Variants in RDH16 observed in about 807,000 individuals in gnomAD.
RDH16 encodes the protein retinol dehydrogenase 16, also known as human epidermal retinol dehydrogenase.
RDH16 carries 25 observed loss-of-function variants against 22.3 expected under a neutral mutation model. That is an observed-to-expected ratio of 1.12 (90% CI 0.82 to 1.56). The LOEUF (loss-of-function observed/expected upper bound fraction) is 1.56, where lower values mean the gene tolerates loss of function less well. Ranked by LOEUF, RDH16 falls within the 40% of genes most tolerant of loss-of-function variation. The pLI is 0.00. For synonymous variants in RDH16, 154 were observed against 164.4 expected, an observed-to-expected ratio of 0.94 and a Z score of 0.48; for missense variants, 413 against 394.9, an observed-to-expected ratio of 1.05 and a Z score of -0.39.
rs1195180113 is a variant in RDH16, at chr12:56,955,115, G to A, written c.363C>T (p.Pro121=). Residue 121 remains proline, a synonymous_variant, in exon 2 of 4, where the codon CCC becomes CCT. Transcript: ENST00000398138. Reference sequence around the variant, plus strand: ...AGTCCTGCTTGGTGAGCAACTCATTGGGAGCCGTGGGCAAGGAGATGCCAG... The same window carrying A: ...AGTCCTGCTTGGTGAGCAACTCATTAGGAGCCGTGGGCAAGGAGATGCCAG... The part of the protein sequence containing the change: ...NNAGISLPTA[P]NELLTKQDFV... The A allele has an allele frequency of 6.2e-7, 1 of 1,614,020 alleles. No homozygotes were observed. The highest frequency in any genetic ancestry group is 1.3e-5 in the African/African-American group (1 of 74,918).
intron 2 of RDH16, among the ~76,000 whole-genome samples, chr12:56,954,522 G>A (rs971333862): frequency 6.6e-6 from 1 of 152,174 alleles, no homozygotes; most frequent in African/African-American, 2.4e-5. Flanking sequence ...CCTTCCCTGG[G>A]ATTAGTCATT....
At chr12:56,954,075 C>G (rs1336629889) in intron 2 of RDH16, among the ~76,000 whole-genome samples, 1 of 152,158 alleles carries the variant, frequency 6.6e-6, no homozygotes. Flanking sequence ...TCTTTGGGCC[C>G]CAGAGAGCCA....
rs1955880442 is a variant in RDH16 at position 56,951,726 on chromosome 12, A to G, written c.*303T>C. On this transcript the variant is annotated 3_prime_UTR_variant, in exon 4 of 4. Coordinates refer to ENST00000398138, the MANE Select transcript of RDH16 (RefSeq NM_003708.5). ...CCTTCCACCTGCTCACACCCACCCC[A>G]GTTGTTAGCCCAAGGATGGCCCTAG... The G allele has an allele frequency of 4.9e-6, 2 of 409,522 alleles. No individual in the cohort carries two copies. The highest frequency in any genetic ancestry group is 4.5e-5 in the East Asian group (1 of 22,260). The allele number at this position is 409,522 out of a possible 1,614,324, so 25.4% of individuals were successfully genotyped here. A position where few individuals can be genotyped will look rare whatever the true frequency, so the allele number is the denominator to read the frequency against.
intron 2 of RDH16, among the ~76,000 whole-genome samples, chr12:56,953,982 T>A (rs1411394715): frequency 6.6e-6 from 1 of 152,170 alleles, no homozygotes; most frequent in Non-Finnish European, 1.5e-5. Context: ...AAAGTGTCTG[T>A]TGTGTGGACT....
Position 56,952,490 on chromosome 12 carries a change from C to T in RDH16, c.737-244G>A, listed in dbSNP as rs947861667. On this transcript the variant is annotated intron_variant, in intron 3 of 3. Transcript: ENST00000398138. ...ATATCTGGACTGCATAAATGATGGTCTCCACCCACAGTAGAAGTCTCAGCA... is the reference window on the plus strand; with the variant it reads ...ATATCTGGACTGCATAAATGATGGTTTCCACCCACAGTAGAAGTCTCAGCA... Among the ~76,000 whole-genome samples the T allele has an allele frequency of 7.2e-5, 11 of 152,176 alleles. No individual in the cohort carries two copies. In the East Asian group the frequency reaches 1.9e-3, roughly 27 times the overall value.
At position 56,951,946 on chromosome 12, in the gene RDH16, C is replaced by T. The variant is rs766949902; in HGVS notation, c.*83G>A. The T allele has an allele frequency of 7.9e-6, 10 of 1,260,034 alleles. No homozygotes were observed. Among genetic ancestry groups the T allele is most frequent in the Non-Finnish European group, 1.1e-5 (10 of 878,998 alleles). The allele number at this position is 1,260,034 out of a possible 1,614,324, so 78.1% of individuals were successfully genotyped here. A position where few individuals can be genotyped will look rare whatever the true frequency, so the allele number is the denominator to read the frequency against. On this transcript the variant is annotated 3_prime_UTR_variant, in exon 4 of 4. Coordinates refer to ENST00000398138, the MANE Select transcript of RDH16 (RefSeq NM_003708.5). Reference sequence around the variant, plus strand: ...GCCCTACTGACCGGACGGCTCCCTCCCTCCACTTTATATCTCTCCCAAGGA... The same window carrying T: ...GCCCTACTGACCGGACGGCTCCCTCTCTCCACTTTATATCTCTCCCAAGGA...
chr12:56,955,136 G>A lies in RDH16; in HGVS notation c.342C>T (p.Gly114=). Residue 114 remains glycine, a synonymous_variant, in exon 2 of 4, where the codon GGC becomes GGT. Transcript: ENST00000398138. Reference sequence around the variant, plus strand: ...CATTGGGAGCCGTGGGCAAGGAGATGCCAGCATTATTCACCAGGCCCCAGA... The same window carrying A: ...CATTGGGAGCCGTGGGCAAGGAGATACCAGCATTATTCACCAGGCCCCAGA... ...KGLWGLVNNA[G]ISLPTAPNEL... 1 of 1,614,102 alleles carries A rather than the reference G, an allele frequency of 6.2e-7. No homozygotes were observed. The highest frequency in any genetic ancestry group is 8.5e-7 in the Non-Finnish European group (1 of 1,180,020).
In RDH16 at chr12:56,951,750, A is replaced by G; in HGVS notation, c.*279T>C. The G allele has an allele frequency of 4.3e-6, 2 of 468,636 alleles. No individual in the cohort carries two copies. Among genetic ancestry groups the G allele is most frequent in the South Asian group, 4.9e-5 (2 of 40,568 alleles). 29.0% of individuals were successfully genotyped at this position (468,636 alleles called of 1,614,324 possible). A position where few individuals can be genotyped will look rare whatever the true frequency, so the allele number is the denominator to read the frequency against. On this transcript the variant is annotated 3_prime_UTR_variant, in exon 4 of 4. Transcript: ENST00000398138. The stretch of plus-strand genomic sequence containing the variant: ...CAGTTGTTAGCCCAAGGATGGCCCT[A>G]GAGGCTTGGACCCTTGAGTGGCCAC...
chr12:56,954,185 T>G (rs1955906434), intron 2 of RDH16, among the ~76,000 whole-genome samples: 1 of 152,230 alleles, frequency 6.6e-6, no homozygotes, highest in Non-Finnish European at 1.5e-5. Context: ...CTTTCCCTGT[T>G]TCTGACTCAG....
intron 3 of RDH16, among the ~76,000 whole-genome samples, chr12:56,952,579 T>G (rs1305487064): frequency 3.3e-5 from 5 of 152,188 alleles, no homozygotes; most frequent in Non-Finnish European, 1.5e-5. Context: ...CCTTTCTGGC[T>G]TCCCTTTGTT....
chr12:56,954,842 G>A, intron 2 of RDH16, 64 bp downstream of exon 2: 2 of 1,576,772 alleles, frequency 1.3e-6, no homozygotes, highest in Non-Finnish European at 1.7e-6. Flanking sequence ...GAACTCCCTG[G>A]AAAAGACTTC....
intron 1 of RDH16, 62 bp downstream of exon 1, chr12:56,957,088 A>G: frequency 6.7e-7 from 1 of 1,484,052 alleles, no homozygotes; most frequent in Non-Finnish European, 9.2e-7. Flanking sequence ...GGGAGCAGAC[A>G]GGAGGTGGTC....
Position 56,952,224 on chromosome 12 carries a change from C to T in RDH16, c.759G>A (p.Met253Ile). 1 of 1,614,078 alleles carries T rather than the reference C, an allele frequency of 6.2e-7. No homozygotes were observed. Among genetic ancestry groups the T allele is most frequent in the Non-Finnish European group, 8.5e-7 (1 of 1,179,988 alleles). ...ACAGATCCTGTGTGCACTTCTGCTC[C>T]ATTTGTTCAGCTGATTTCTTATCTG... ...VADYKKSAEQMEQKCTQDLSL... is the reference protein window; with the variant it reads ...VADYKKSAEQIEQKCTQDLSL... The change falls in exon 4 of 4, where the codon ATG becomes ATA. Residue 253 changes from methionine to isoleucine, a missense_variant. Transcript: ENST00000398138.
At position 56,957,128 on chromosome 12, in the gene RDH16, C is replaced by A. The variant is rs764645730; in HGVS notation, c.313+22G>T. On this transcript the variant is annotated intron_variant, in intron 1 of 3. Coordinates refer to ENST00000398138, the MANE Select transcript of RDH16 (RefSeq NM_003708.5). ...CACACAGAGGGAAGACACAGACAGA[C>A]TTGACAAACCTGGGTGGTTACCTTT... 1.9e-6 allele frequency: 3 copies of A among 1,586,828 alleles called. No homozygotes were observed. In the Admixed American group the frequency reaches 5.1e-5, roughly 27 times the overall value.
intron 2 of RDH16, 132 bp downstream of exon 2, chr12:56,954,774 G>A (rs1955911328): frequency 7.3e-6 from 7 of 954,740 alleles, no homozygotes; most frequent in Non-Finnish European, 1.1e-5. Flanking sequence ...AGATGAGGGT[G>A]TCACACATGA....
rs748134177 is a variant in RDH16, at chr12:56,952,245, ATCTGT to A, written c.737-4_737del. ...GCTCCATTTGTTCAGCTGATTTCTT[ATCTGT>A]TAAGAATCAGAAACAATCCATGTAT... On this transcript the variant is annotated splice_acceptor_variant and splice_polypyrimidine_tract_variant and coding_sequence_variant and intron_variant, in exon 4 of 4. Coordinates refer to ENST00000398138, the MANE Select transcript of RDH16 (RefSeq NM_003708.5). LOFTEE classifies it high-confidence loss of function. The A allele has an allele frequency of 5.6e-6, 9 of 1,613,678 alleles. No homozygotes were observed. The South Asian group carries it at 8.8e-5, about 16-fold the overall frequency.
Position 56,957,251 on chromosome 12 carries a change from C to T in RDH16, c.212G>A (p.Gly71Asp), listed in dbSNP as rs1297301330. The change falls in exon 1 of 4, where the codon GGC (glycine) becomes GAC (aspartate). Residue 71 changes from glycine to aspartate, a missense_variant. Transcript: ENST00000398138. ...LTEKGAEQLR[G>D]QTSDRLETVT... ...CGTCTCCAGCCTGTCTGAAGTCTGGCCCCTCAGCTGCTCGGCTCCTTTCTC... is the reference window on the plus strand; with the variant it reads ...CGTCTCCAGCCTGTCTGAAGTCTGGTCCCTCAGCTGCTCGGCTCCTTTCTC... 1 of 1,614,062 alleles carries T rather than the reference C, an allele frequency of 6.2e-7. No individual in the cohort carries two copies. Among genetic ancestry groups the T allele is most frequent in the African/African-American group, 1.3e-5 (1 of 74,910 alleles).
intron 2 of RDH16, 116 bp from the exon 3 acceptor site, chr12:56,953,106 G>GACTTCGGGGGT: frequency 2.1e-6 from 2 of 933,358 alleles, no homozygotes; most frequent in Non-Finnish European, 3.2e-6. Flanking sequence ...AAAATAGAAA[G>GACTTCGGGGGT]CTTGGAATAT....
At chr12:56,953,428 C>A (rs1955901106) in intron 2 of RDH16, among the ~76,000 whole-genome samples, 1 of 152,208 alleles carries the variant, frequency 6.6e-6, no homozygotes, top group Admixed American at 6.5e-5. Flanking sequence ...CCCACACTTA[C>A]AACCACTGGG....
Sources: gnomAD v4.1 joint callset for allele counts (sites outside exome capture counted in the v4.1 genomes callset) on GRCh38, gnomAD v4.1.1 for gene constraint, MANE v1.5 for transcripts, NCBI Gene and HGNC (gene_info 2026-07-23, HGNC 2026-07-21) for gene names.